IMMP2L: variants seen among roughly 807,000 people sequenced by gnomAD.
IMMP2L encodes the protein inner mitochondrial membrane peptidase subunit 2.
In IMMP2L, 18 loss-of-function variants were observed where a neutral mutation model predicts 19.3. The observed-to-expected ratio is 0.93, with a 90% CI of 0.64 to 1.38. The LOEUF (loss-of-function observed/expected upper bound fraction) is 1.38, where lower values mean the gene tolerates loss of function less well. Ranked by LOEUF, IMMP2L falls within the 40% of genes most tolerant of loss-of-function variation. The pLI is 0.00. For synonymous variants in IMMP2L, 76 were observed against 73.0 expected, an observed-to-expected ratio of 1.04 and a Z score of -0.21; for missense variants, 233 against 218.2, an observed-to-expected ratio of 1.07 and a Z score of -0.43.
chr7:110,673,853 C>A (rs961119373), intron 5 of IMMP2L, among the ~76,000 whole-genome samples: 1 of 152,200 alleles, frequency 6.6e-6, no homozygotes. Flanking sequence ...ATCTTCCTGT[C>A]TTCTGAGCCC....
At chr7:111,226,573 G>A (rs1238183980) in intron 3 of IMMP2L, among the ~76,000 whole-genome samples, 1 of 152,036 alleles carries the variant, frequency 6.6e-6, no homozygotes, top group Non-Finnish European at 1.5e-5. Context: ...TCTACTGCTT[G>A]ATCATTGCGC....
intron 3 of IMMP2L, among the ~76,000 whole-genome samples, chr7:111,399,263 G>T (rs1005094434): frequency 2.6e-5 from 4 of 152,116 alleles, no homozygotes; most frequent in African/African-American, 7.2e-5. Flanking sequence ...AAAACAGCGT[G>T]GTACTGGTTT....
At chr7:110,733,297 C>T (rs1469928373) in intron 5 of IMMP2L, among the ~76,000 whole-genome samples, 2 of 152,138 alleles carry the variant, frequency 1.3e-5, no homozygotes, top group African/African-American at 4.8e-5. Context: ...TCAGTTATCA[C>T]ATGTAGAATT....
chr7:110,999,222 ATT>A (rs1366909772), intron 3 of IMMP2L, among the ~76,000 whole-genome samples: 1 of 151,394 alleles, frequency 6.6e-6, no homozygotes, highest in Non-Finnish European at 1.5e-5. Context: ...AGTTTAGATT[ATT>A]GTTTGGGAAC....
At chr7:111,242,567 G>A (rs764147605) in intron 3 of IMMP2L, among the ~76,000 whole-genome samples, 1 of 151,996 alleles carries the variant, frequency 6.6e-6, no homozygotes, top group African/African-American at 2.4e-5. Flanking sequence ...AACCACCCAC[G>A]TACTTTTTGC....
chr7:111,091,208 C>T (rs1338051033), intron 3 of IMMP2L: 1 of 152,216 alleles, frequency 6.6e-6, no homozygotes, highest in Non-Finnish European at 1.5e-5. Flanking sequence ...CTCACAGGAT[C>T]TCTCTTCACT....
chr7:111,068,004 T>C (rs778683813), intron 3 of IMMP2L, among the ~76,000 whole-genome samples: 1 of 152,094 alleles, frequency 6.6e-6, no homozygotes, highest in Non-Finnish European at 1.5e-5. Flanking sequence ...ATTAAACCAG[T>C]GTGCTACCAG....
chr7:111,468,383 G>C (rs2132076234), intron 3 of IMMP2L, among the ~76,000 whole-genome samples: 2 of 152,096 alleles, frequency 1.3e-5, no homozygotes, highest in Middle Eastern at 3.4e-3. Flanking sequence ...TAAATACATT[G>C]TATTTGCCCA....
chr7:111,030,884 GTATATATA>G (rs57774530), intron 3 of IMMP2L, among the ~76,000 whole-genome samples: 3,494 of 126,652 alleles, frequency 0.028, 64 homozygotes, highest in Middle Eastern at 0.045. Flanking sequence ...GTGTGTGTGT[GTATATATA>G]TATATATATA....
chr7:110,811,660 T>TTA (rs1418746862), intron 5 of IMMP2L, among the ~76,000 whole-genome samples: 1 of 152,084 alleles, frequency 6.6e-6, no homozygotes, highest in African/African-American at 2.4e-5. Context: ...TTTAGAGCTA[T>TTA]TATATACAGT....
chr7:111,300,776 T>C (rs932539188), intron 3 of IMMP2L, among the ~76,000 whole-genome samples: 2 of 152,156 alleles, frequency 1.3e-5, no homozygotes, highest in African/African-American at 4.8e-5. Flanking sequence ...ATTTCATGTA[T>C]CATACCTTTC....
chr7:110,670,708 A>AC (rs1562904759), intron 5 of IMMP2L, among the ~76,000 whole-genome samples: 45 of 148,610 alleles, frequency 3.0e-4, no homozygotes, highest in African/African-American at 1.1e-3. Flanking sequence ...AAAAAAACAA[A>AC]AAAAACAAAA....
chr7:110,953,358 TC>T, intron 4 of IMMP2L, among the ~76,000 whole-genome samples: 1 of 146,852 alleles, frequency 6.8e-6, no homozygotes, highest in Non-Finnish European at 1.5e-5. Context: ...GATGTTCCCC[TC>T]CCCTGTATCC....
chr7:111,205,910 A>G (rs758558846), intron 3 of IMMP2L, among the ~76,000 whole-genome samples: 2 of 152,156 alleles, frequency 1.3e-5, no homozygotes, highest in Non-Finnish European at 2.9e-5. Flanking sequence ...GTGCCAATAC[A>G]TAATAACATA....
In IMMP2L at chr7:110,847,439, T is replaced by C. The variant is rs188600232; in HGVS notation, c.408+39154A>G. Among the ~76,000 whole-genome samples, 280 of 152,294 alleles carry C rather than the reference T, an allele frequency of 1.8e-3. 1 individual carries two copies. The highest frequency in any genetic ancestry group is 3.5e-3 in the Non-Finnish European group (237 of 68,010). ...ACGCTCATTTGAGAAACTCAGATAA[T>C]ACAGAAAATATAAAGTGAAAAGTAA... On this transcript the variant is annotated intron_variant, in intron 5 of 5. Coordinates refer to ENST00000405709, the MANE Select transcript of IMMP2L (RefSeq NM_032549.4).
intron 5 of IMMP2L, among the ~76,000 whole-genome samples, chr7:110,749,881 G>T (rs1797617531): frequency 1.3e-5 from 2 of 151,918 alleles, no homozygotes; most frequent in Non-Finnish European, 2.9e-5. Flanking sequence ...ATGTACTTCA[G>T]AACTTAAAGT....
At chr7:111,028,070 G>C (rs560677233) in intron 3 of IMMP2L, among the ~76,000 whole-genome samples, 1 of 152,118 alleles carries the variant, frequency 6.6e-6, no homozygotes, top group East Asian at 1.9e-4. Flanking sequence ...ATAGTTTCAA[G>C]GTTCATATGG....
intron 3 of IMMP2L, among the ~76,000 whole-genome samples, chr7:111,087,445 T>C (rs1315079443): frequency 7.1e-6 from 1 of 140,662 alleles, no homozygotes; most frequent in Non-Finnish European, 1.5e-5. Flanking sequence ...CAAGACTCCA[T>C]CTTAAAAAAA....
chr7:111,048,469 A>G (rs765685026), intron 3 of IMMP2L, among the ~76,000 whole-genome samples: 1 of 151,878 alleles, frequency 6.6e-6, no homozygotes, highest in Non-Finnish European at 1.5e-5. Context: ...GACCACCACC[A>G]TCAGTCACCA....
Sources: gnomAD v4.1 joint callset for allele counts (sites outside exome capture counted in the v4.1 genomes callset) on GRCh38, gnomAD v4.1.1 for gene constraint, MANE v1.5 for transcripts, NCBI Gene and HGNC (gene_info 2026-07-23, HGNC 2026-07-21) for gene names.